The following TRPM7 variants were observed in gnomAD, a reference collection of about 807,000 sequenced individuals.
TRPM7 encodes the protein transient receptor potential cation channel subfamily M member 7, also known as LTRPC ion channel family member 7.
Under a neutral mutation model 229.7 loss-of-function variants are expected in TRPM7, and 134 were observed. That is an observed-to-expected ratio of 0.58 (90% CI 0.51 to 0.67). The LOEUF (loss-of-function observed/expected upper bound fraction) is 0.67. Among genes scored for constraint, TRPM7 ranks in the 30% least tolerant of loss-of-function variants. The pLI is 0.00. For missense variants in TRPM7, 1,901 were observed against 2,210.0 expected (o/e 0.86, Z 2.80); for synonymous variants, 699 against 715.2 (o/e 0.98, Z 0.36).
chr15:50,630,562 T>C (rs1194133635), intron 10 of TRPM7, among the ~76,000 whole-genome samples: 1 of 152,184 alleles, frequency 6.6e-6, no homozygotes, highest in African/African-American at 2.4e-5. Context: ...ATACCACTAG[T>C]TTTCAAATTT....
chr15:50,624,133 T>C (rs773639424), intron 12 of TRPM7, 33 bp downstream of exon 12: 4 of 1,577,390 alleles, frequency 2.5e-6, no homozygotes, highest in Non-Finnish European at 3.4e-6. Flanking sequence ...AAAGATAAAA[T>C]GTAGTCAATA....
chr15:50,598,871 G>A (rs2059700604), intron 22 of TRPM7, among the ~76,000 whole-genome samples: 1 of 152,134 alleles, frequency 6.6e-6, no homozygotes, highest in Non-Finnish European at 1.5e-5. Context: ...TGTTATGTGA[G>A]TTAATAAATG....
At chr15:50,658,484 T>C (rs2061639950) in intron 2 of TRPM7, among the ~76,000 whole-genome samples, 2 of 150,424 alleles carry the variant, frequency 1.3e-5, no homozygotes, top group Non-Finnish European at 3.0e-5. Context: ...GTGGGAGGAT[T>C]CCTTGAGCAT....
chr15:50,618,684 T>G (rs1411021587), intron 13 of TRPM7, among the ~76,000 whole-genome samples: 1 of 152,204 alleles, frequency 6.6e-6, no homozygotes, highest in Non-Finnish European at 1.5e-5. Context: ...ATATGTTATG[T>G]AGCGGTGAAG....
At position 50,682,294 on chromosome 15, in the gene TRPM7, A is replaced by G. The variant is rs556764864; in HGVS notation, c.3+4237T>C. The stretch of plus-strand genomic sequence containing the variant: ...CCAAAATTCCTTTAACAGGGTTCTA[A>G]AACCCCTACGTGGACAGAAAACTAA... On this transcript the variant is annotated intron_variant, in intron 1 of 38. Coordinates refer to ENST00000646667, the MANE Select transcript of TRPM7 (RefSeq NM_017672.6). 5.3e-5 allele frequency among the ~76,000 whole-genome samples: 8 copies of G among 152,076 alleles called. No individual in the cohort carries two copies. The South Asian group carries it at 1.5e-3, about 28-fold the overall frequency.
chr15:50,587,508 T>A (rs1233374273), intron 27 of TRPM7, among the ~76,000 whole-genome samples: 1 of 149,868 alleles, frequency 6.7e-6, no homozygotes. Flanking sequence ...CACAGAAACT[T>A]GCAATGTCTT....
At chr15:50,588,075 C>A in intron 27 of TRPM7, 1 of 226,466 alleles carries the variant, frequency 4.4e-6, no homozygotes, top group Non-Finnish European at 7.2e-6. Context: ...GAAAACACTG[C>A]AAATTATAGT....
chr15:50,628,478 T>G (rs1426477399), intron 10 of TRPM7, among the ~76,000 whole-genome samples: 1 of 152,126 alleles, frequency 6.6e-6, no homozygotes, highest in African/African-American at 2.4e-5. Context: ...AGCTAATTTT[T>G]TAACTTTTTT....
intron 38 of TRPM7, among the ~76,000 whole-genome samples, chr15:50,565,090 G>A (rs186916166): frequency 1.3e-5 from 2 of 151,392 alleles, no homozygotes; most frequent in African/African-American, 4.9e-5. Flanking sequence ...CAAGCAATTC[G>A]CCTGCCTCAG....
intron 21 of TRPM7, among the ~76,000 whole-genome samples, chr15:50,602,688 A>G (rs750305033): frequency 5.3e-5 from 8 of 152,330 alleles, no homozygotes; most frequent in Middle Eastern, 3.4e-3. Context: ...TCATCTTTGT[A>G]GCCCCAGCTT....
At chr15:50,651,347 A>G (rs2140855573) in intron 3 of TRPM7, among the ~76,000 whole-genome samples, 1 of 152,364 alleles carries the variant, frequency 6.6e-6, no homozygotes, top group East Asian at 1.9e-4. Flanking sequence ...AGCTCCAACT[A>G]TTAAGACCAT....
intron 1 of TRPM7, among the ~76,000 whole-genome samples, chr15:50,683,906 G>C (rs2062298918): frequency 6.6e-6 from 1 of 151,898 alleles, no homozygotes; most frequent in South Asian, 2.1e-4. Context: ...CTCTCACCCA[G>C]GCTGGAGTGA....
intron 26 of TRPM7, 87 bp downstream of exon 26, chr15:50,591,824 A>G: frequency 5.2e-6 from 5 of 964,586 alleles, no homozygotes; most frequent in Non-Finnish European, 7.4e-6. Flanking sequence ...ATGAAAAGAT[A>G]ATGACTTGTA....
intron 20 of TRPM7, among the ~76,000 whole-genome samples, chr15:50,606,490 A>G (rs922653121): frequency 5.9e-5 from 9 of 152,118 alleles, no homozygotes; most frequent in African/African-American, 2.2e-4. Context: ...GATATTAAAA[A>G]AGACCTAACT....
intron 30 of TRPM7, among the ~76,000 whole-genome samples, chr15:50,580,125 TC>T (rs1304771733): frequency 5.3e-5 from 8 of 152,282 alleles, no homozygotes; most frequent in African/African-American, 1.9e-4. Flanking sequence ...AATAATAATT[TC>T]CCCCAAATTG....
intron 1 of TRPM7, among the ~76,000 whole-genome samples, chr15:50,683,003 C>A (rs772772457): frequency 2.0e-5 from 3 of 151,846 alleles, no homozygotes; most frequent in African/African-American, 4.8e-5. Context: ...CCACCTCAGC[C>A]TCCCAAGTAG....
chr15:50,570,760 C>T (rs142948739), intron 36 of TRPM7, among the ~76,000 whole-genome samples: 2,079 of 148,922 alleles, frequency 0.014, 47 homozygotes, highest in African/African-American at 0.049. Context: ...GAGGCTGAGA[C>T]GGGAGAATCG....
intron 28 of TRPM7, among the ~76,000 whole-genome samples, 170 bp from the exon 29 acceptor site, chr15:50,583,329 A>G (rs1342680522): frequency 6.6e-6 from 1 of 152,166 alleles, no homozygotes; most frequent in Non-Finnish European, 1.5e-5. Context: ...TATTCAATTT[A>G]TTTTGAGTAA....
intron 1 of TRPM7, among the ~76,000 whole-genome samples, chr15:50,673,476 C>T (rs1201891565): frequency 6.6e-6 from 1 of 152,054 alleles, no homozygotes; most frequent in South Asian, 2.1e-4. Context: ...TATGCCTTTG[C>T]GTCCTCATAG....
Sources: gnomAD v4.1 joint callset for allele counts (sites outside exome capture counted in the v4.1 genomes callset) on GRCh38, gnomAD v4.1.1 for gene constraint, MANE v1.5 for transcripts, NCBI Gene and HGNC (gene_info 2026-07-23, HGNC 2026-07-21) for gene names.